The following BLNK variants were observed in gnomAD, a reference collection of about 807,000 sequenced individuals.
BLNK encodes the protein B-cell linker protein.
Under a neutral mutation model 73.5 loss-of-function variants are expected in BLNK, and 29 were observed. The ratio of observed to expected loss-of-function variants is 0.39; its 90% confidence interval spans 0.29 to 0.54. The LOEUF is 0.54. Among genes scored for constraint, BLNK ranks in the 20% least tolerant of loss-of-function variants. The pLI, the probability that BLNK is intolerant of heterozygous loss-of-function variation, is 0.61. For synonymous variants in BLNK, 176 were observed against 200.8 expected, an observed-to-expected ratio of 0.88 and a Z score of 1.04; for missense variants, 460 against 562.8, an observed-to-expected ratio of 0.82 and a Z score of 1.85.
chr10:96,209,777 TG>T, intron 9 of BLNK, 60 bp downstream of exon 9: 1 of 1,592,842 alleles, frequency 6.3e-7, no homozygotes, highest in Non-Finnish European at 8.6e-7. Flanking sequence ...AACAGGGCAG[TG>T]GGGTATCACC....
Position 96,190,790 on chromosome 10 carries a change from A to G in BLNK, c.*1183T>C, listed in dbSNP as rs1457056941. Among the ~76,000 whole-genome samples, 1 of 152,148 alleles carries G rather than the reference A, an allele frequency of 6.6e-6. No individual in the cohort carries two copies. The highest frequency in any genetic ancestry group is 1.5e-5 in the Non-Finnish European group (1 of 68,028). On this transcript the variant is annotated 3_prime_UTR_variant, in exon 17 of 17. Coordinates refer to ENST00000224337, the MANE Select transcript of BLNK (RefSeq NM_013314.4). The stretch of plus-strand genomic sequence containing the variant: ...TGACAAAGTATGATACATTTCTGGG[A>G]TGATCTAAGACCTTGGACCTGATTC...
intron 15 of BLNK, chr10:96,199,478 C>A: frequency 4.3e-6 from 2 of 460,456 alleles, no homozygotes; most frequent in African/African-American, 2.0e-5. Context: ...TTCCATAGAC[C>A]TCCCCTGGAG....
chr10:96,227,980 A>G (rs1465691816), intron 4 of BLNK, among the ~76,000 whole-genome samples: 2 of 152,194 alleles, frequency 1.3e-5, no homozygotes, highest in African/African-American at 2.4e-5. Context: ...GGGTGAGGAG[A>G]CACACAGGGC....
At chr10:96,217,938 G>A (rs2084106983) in intron 6 of BLNK, among the ~76,000 whole-genome samples, 1 of 152,168 alleles carries the variant, frequency 6.6e-6, no homozygotes, top group Non-Finnish European at 1.5e-5. Context: ...AGCTCTTACA[G>A]TTAGGTCTAT....
chr10:96,253,371 ATCTGAGACCAGGAGAAGCAAAG>A (rs1564847894), intron 1 of BLNK, among the ~76,000 whole-genome samples: 9 of 152,166 alleles, frequency 5.9e-5, no homozygotes, highest in African/African-American at 2.2e-4. Flanking sequence ...CCACATGGCA[ATCTGAGACCAGGAGAAGCAAAG>A]GCTGTGTGAG....
chr10:96,197,221 T>C (rs1305169419), intron 15 of BLNK, among the ~76,000 whole-genome samples, 158 bp from the exon 16 acceptor site: 2 of 152,204 alleles, frequency 1.3e-5, no homozygotes, highest in African/African-American at 4.8e-5. Flanking sequence ...TCTTCTTATT[T>C]TCTAAGAAAA....
intron 13 of BLNK, among the ~76,000 whole-genome samples, chr10:96,203,401 A>C (rs1554896688): frequency 6.6e-6 from 1 of 152,182 alleles, no homozygotes. Context: ...GCATGTGGAC[A>C]ATTACTGTTT....
intron 3 of BLNK, among the ~76,000 whole-genome samples, chr10:96,238,012 C>A (rs1018194297): frequency 6.6e-6 from 1 of 152,228 alleles, no homozygotes; most frequent in Non-Finnish European, 1.5e-5. Flanking sequence ...TCTTCCCTTC[C>A]CACAGCAATG....
intron 1 of BLNK, among the ~76,000 whole-genome samples, chr10:96,253,787 G>T (rs1006540584): frequency 6.6e-6 from 1 of 151,988 alleles, no homozygotes; most frequent in Non-Finnish European, 1.5e-5. Context: ...AGGCCAAGGC[G>T]GGCCGATCAT....
At chr10:96,263,165 C>A (rs1843836178) in intron 1 of BLNK, among the ~76,000 whole-genome samples, 1 of 152,206 alleles carries the variant, frequency 6.6e-6, no homozygotes, top group African/African-American at 2.4e-5. Context: ...AAATGCAGGG[C>A]CCCTTGGTCG....
chr10:96,230,424 G>C (rs191318104), intron 4 of BLNK, among the ~76,000 whole-genome samples: 41 of 152,302 alleles, frequency 2.7e-4, no homozygotes, highest in African/African-American at 9.6e-4. Context: ...CTGGGCAGGG[G>C]TCAGGCAGTG....
chr10:96,194,768 A>ATTTTTTTTTTTTTTTTT lies in BLNK; in HGVS notation c.1251+2123_1251+2139dup, dbSNP rs71034364. Among the ~76,000 whole-genome samples, 57 of 110,270 alleles carry ATTTTTTTTTTTTTTTTT rather than the reference A, an allele frequency of 5.2e-4. 3 individuals carry two copies. Among genetic ancestry groups the ATTTTTTTTTTTTTTTTT allele is most frequent in the South Asian group, 1.3e-3 (4 of 3,152 alleles). 72.3% of individuals were successfully genotyped at this position (110,270 alleles called of 152,430 possible). ...ATCACTAATCATCAGAGAAATGCAA[A>ATTTTTTTTTTTTTTTTT]TTTTTTTTTTTTTTTTTTTTGAGAC... On this transcript the variant is annotated intron_variant, in intron 16 of 16. Transcript: ENST00000224337.
intron 1 of BLNK, among the ~76,000 whole-genome samples, chr10:96,254,460 C>T (rs1394983091): frequency 1.3e-5 from 2 of 152,228 alleles, no homozygotes; most frequent in African/African-American, 2.4e-5. Flanking sequence ...GACTCTAACC[C>T]GAGGAGCTGA....
intron 1 of BLNK, among the ~76,000 whole-genome samples, chr10:96,261,341 C>A (rs1843746946): frequency 6.6e-6 from 1 of 152,210 alleles, no homozygotes. Context: ...TGTGCAATCA[C>A]CACCACTGCC....
chr10:96,199,552 C>T (rs1554895557), intron 15 of BLNK: 3 of 458,316 alleles, frequency 6.5e-6, no homozygotes, highest in Admixed American at 4.7e-5. Flanking sequence ...GATGAAAGGA[C>T]AAGTAGAAAT....
chr10:96,204,128 A>G (rs1326260017), intron 12 of BLNK, 40 bp from the exon 13 acceptor site: 2 of 1,610,932 alleles, frequency 1.2e-6, no homozygotes, highest in Non-Finnish European at 1.7e-6. Context: ...GACAAAGCAC[A>G]ATATGAGTAA....
At chr10:96,250,128 G>A (rs1469739958) in intron 1 of BLNK, among the ~76,000 whole-genome samples, 4 of 152,144 alleles carry the variant, frequency 2.6e-5, no homozygotes, top group African/African-American at 9.7e-5. Context: ...CGGGCACACT[G>A]ATGATACAAG....
chr10:96,195,291 C>T (rs1554894433), intron 16 of BLNK, among the ~76,000 whole-genome samples: 1 of 152,144 alleles, frequency 6.6e-6, no homozygotes, highest in Admixed American at 6.5e-5. Context: ...CCCATATCAT[C>T]CAGCAATCCC....
intron 2 of BLNK, among the ~76,000 whole-genome samples, chr10:96,246,370 T>G (rs1225592772): frequency 6.6e-6 from 1 of 152,092 alleles, no homozygotes; most frequent in Non-Finnish European, 1.5e-5. Context: ...CTGACCAACA[T>G]GAAGAAACCC....
Sources: gnomAD v4.1 joint callset for allele counts (sites outside exome capture counted in the v4.1 genomes callset) on GRCh38, gnomAD v4.1.1 for gene constraint, MANE v1.5 for transcripts, NCBI Gene and HGNC (gene_info 2026-07-23, HGNC 2026-07-21) for gene names.